The following PAX7 variants were observed in gnomAD, a reference collection of about 807,000 sequenced individuals.
PAX7 encodes the protein paired box 7.
PAX7 carries 18 observed loss-of-function variants against 50.7 expected under a neutral mutation model. The ratio of observed to expected loss-of-function variants is 0.36; its 90% CI spans 0.25 to 0.53. PAX7 has a LOEUF of 0.53. PAX7 is among the 20% of genes least tolerant of loss of function. The pLI, the probability that PAX7 is intolerant of heterozygous loss-of-function variation, is 0.93. For missense variants in PAX7, 644 were observed against 702.9 expected, an observed-to-expected ratio of 0.92 and a Z score of 0.95; for synonymous variants, 310 against 290.4, an observed-to-expected ratio of 1.07 and a Z score of -0.69.
chr1:18,712,151 T>TTGATGGTCAGTGTGAAC (rs2089360644), intron 7 of PAX7, among the ~76,000 whole-genome samples: 1 of 152,158 alleles, frequency 6.6e-6, no homozygotes, highest in Non-Finnish European at 1.5e-5. Flanking sequence ...TCAGTGTGAA[T>TTGATGGTCAGTGTGAAC]TGATGGTCAG....
rs909598072 is a variant in PAX7, at chr1:18,725,308, C to T, written c.1156-10324C>T. ...CAATTACAGAGGTGGAGACGCCCCCCCCCCGCCCCACCAACACCGCCAGGC... is the reference window on the plus strand; with the variant it reads ...CAATTACAGAGGTGGAGACGCCCCCTCCCCGCCCCACCAACACCGCCAGGC... On this transcript the variant is annotated intron_variant, in intron 7 of 8. Transcript: ENST00000420770. Among the ~76,000 whole-genome samples the T allele has an allele frequency of 2.5e-4, 14 of 55,468 alleles. 1 individual carries two copies. Among genetic ancestry groups the T allele is most frequent in the Admixed American group, 1.0e-3 (8 of 7,962 alleles). 36.4% of individuals were successfully genotyped at this position (55,468 alleles called of 152,430 possible). A position where few individuals can be genotyped will look rare whatever the true frequency, so the allele number is the denominator to read the frequency against.
Position 18,695,178 on chromosome 1 carries a change from A to G in PAX7, c.786+3225A>G, listed in dbSNP as rs1004280031. On this transcript the variant is annotated intron_variant, in intron 5 of 8. Coordinates refer to ENST00000420770, the MANE Select transcript of PAX7 (RefSeq NM_001135254.2). ...AGGCAAGATGATGATAATGATGTCTACCTTGCTCTGAGGATTAAATGATTA... is the reference window on the plus strand; with the variant it reads ...AGGCAAGATGATGATAATGATGTCTGCCTTGCTCTGAGGATTAAATGATTA... Among the ~76,000 whole-genome samples the G allele has an allele frequency of 2.0e-5, 3 of 151,048 alleles. 1 individual carries two copies.
chr1:18,651,922 G>A (rs951523888), intron 4 of PAX7, among the ~76,000 whole-genome samples: 1 of 150,254 alleles, frequency 6.7e-6, no homozygotes, highest in African/African-American at 2.5e-5. Context: ...TTGGAGAAAA[G>A]CAGCCTGGTT....
intron 4 of PAX7, among the ~76,000 whole-genome samples, chr1:18,670,872 C>T (rs1277285886): frequency 6.6e-6 from 1 of 152,080 alleles, no homozygotes; most frequent in Non-Finnish European, 1.5e-5. Context: ...GGAAATGGGA[C>T]CCATTTGTTT....
intron 8 of PAX7, among the ~76,000 whole-genome samples, chr1:18,738,967 C>T (rs1267859103): frequency 6.6e-6 from 1 of 152,240 alleles, no homozygotes; most frequent in Non-Finnish European, 1.5e-5. Flanking sequence ...CCCCACATCC[C>T]TGGGCAACTT....
At chr1:18,742,098 C>A (rs977372642) in intron 8 of PAX7, among the ~76,000 whole-genome samples, 4 of 151,264 alleles carry the variant, frequency 2.6e-5, no homozygotes, top group Non-Finnish European at 4.4e-5. Flanking sequence ...TCTCTGTAAA[C>A]CCTGGCTTCT....
At chr1:18,690,862 T>C (rs1343810358) in intron 4 of PAX7, among the ~76,000 whole-genome samples, 3 of 152,168 alleles carry the variant, frequency 2.0e-5, no homozygotes, top group Non-Finnish European at 2.9e-5. Context: ...AAACCCTTCA[T>C]GTCACAAATG....
intron 4 of PAX7, among the ~76,000 whole-genome samples, chr1:18,670,718 C>T (rs181127077): frequency 5.9e-5 from 9 of 152,318 alleles, no homozygotes; most frequent in East Asian, 5.8e-4. Context: ...GCCAGCCAGC[C>T]GGCAGGGGCT....
At position 18,747,469 on chromosome 1, in the gene PAX7, C is replaced by T; in HGVS notation, c.*2540C>T. 1 of 220,712 alleles carries T rather than the reference C, an allele frequency of 4.5e-6. No homozygotes were observed. Among genetic ancestry groups the T allele is most frequent in the Non-Finnish European group, 9.1e-6 (1 of 110,132 alleles). 13.7% of individuals were successfully genotyped at this position (220,712 alleles called of 1,614,324 possible). ...TCTCTCTAAAACCCGTATATTAACG[C>T]ATCTGGCCAACTTGGGTTATAAAAT... On this transcript the variant is annotated 3_prime_UTR_variant, in exon 9 of 9. Transcript: ENST00000420770.
chr1:18,665,321 G>T (rs774785784), intron 4 of PAX7, among the ~76,000 whole-genome samples: 2 of 152,110 alleles, frequency 1.3e-5, no homozygotes, highest in African/African-American at 4.8e-5. Context: ...CTTGTGCCTG[G>T]AACTAGAGAG....
chr1:18,675,278 A>G (rs1230217308), intron 4 of PAX7, among the ~76,000 whole-genome samples: 1 of 152,154 alleles, frequency 6.6e-6, no homozygotes, highest in Admixed American at 6.5e-5. Context: ...AAAGTGTCCA[A>G]TAGGCACGTG....
chr1:18,651,807 C>G (rs2088435524), intron 4 of PAX7, among the ~76,000 whole-genome samples: 1 of 142,354 alleles, frequency 7.0e-6, no homozygotes, highest in South Asian at 2.3e-4. Context: ...CACCCCTCCC[C>G]CTCTCCCCTC....
chr1:18,697,920 G>T (rs1209920882), intron 5 of PAX7, among the ~76,000 whole-genome samples: 2 of 152,236 alleles, frequency 1.3e-5, no homozygotes, highest in Admixed American at 6.5e-5. Flanking sequence ...AGCCTGTCTT[G>T]CTTGGCACAG....
At position 18,746,703 on chromosome 1, in the gene PAX7, T is replaced by A. The variant is rs569041273; in HGVS notation, c.*1774T>A. The A allele has an allele frequency of 1.7e-5, 4 of 231,278 alleles. No homozygotes were observed. The highest frequency in any genetic ancestry group is 8.8e-5 in the African/African-American group (4 of 45,212). The allele number at this position is 231,278 out of a possible 1,614,324, so 14.3% of individuals were successfully genotyped here. A position where few individuals can be genotyped will look rare whatever the true frequency, so the allele number is the denominator to read the frequency against. The stretch of plus-strand genomic sequence containing the variant: ...ATTCCTAGAGGGAAAGGGCTGCTGC[T>A]CTGGGAGTCAACCTGAGTTCCTCCC... On this transcript the variant is annotated 3_prime_UTR_variant, in exon 9 of 9. Coordinates refer to ENST00000420770, the MANE Select transcript of PAX7 (RefSeq NM_001135254.2).
chr1:18,693,132 G>A (rs778150163), intron 5 of PAX7, among the ~76,000 whole-genome samples: 6 of 152,130 alleles, frequency 3.9e-5, no homozygotes, highest in Non-Finnish European at 7.3e-5. Flanking sequence ...CATGGATTGG[G>A]AGGCATAGAG....
chr1:18,680,042 C>T (rs1215864190), intron 4 of PAX7, among the ~76,000 whole-genome samples: 1 of 152,162 alleles, frequency 6.6e-6, no homozygotes, highest in Non-Finnish European at 1.5e-5. Context: ...TTGTGCATGA[C>T]AACTCTGTGG....
intron 7 of PAX7, among the ~76,000 whole-genome samples, chr1:18,725,885 G>C (rs992674257): frequency 6.6e-6 from 1 of 152,230 alleles, no homozygotes; most frequent in Admixed American, 6.5e-5. Flanking sequence ...TCTGCCCTGG[G>C]ATGAGGGGCA....
chr1:18,655,365 T>C (rs1184938569), intron 4 of PAX7, among the ~76,000 whole-genome samples: 2 of 152,046 alleles, frequency 1.3e-5, no homozygotes, highest in Non-Finnish European at 2.9e-5. Flanking sequence ...CCAAACTGGG[T>C]TTGAATCAAA....
rs750531905 is a variant in PAX7, at chr1:18,703,337, G to A, written c.1155+41G>A. The A allele has an allele frequency of 4.4e-6, 7 of 1,574,350 alleles. No homozygotes were observed. The Admixed American group carries it at 1.0e-4, about 23-fold the overall frequency. On this transcript the variant is annotated intron_variant, in intron 7 of 8. Transcript: ENST00000420770. ...CCAGCACCCAGGATCCCACCGCCAC[G>A]AAAGTCAGACATCTGCAGACAGCAC... is the stretch of plus-strand genomic sequence containing the variant.
Sources: allele counts gnomAD v4.1 joint callset (sites outside exome capture counted in the v4.1 genomes callset), GRCh38; gene constraint gnomAD v4.1.1; transcripts MANE v1.5; gene names NCBI Gene and HGNC (gene_info 2026-07-23, HGNC 2026-07-21).